Variants in SCAPER observed in about 807,000 individuals in gnomAD.
The protein encoded by SCAPER is S phase cyclin A-associated protein in the endoplasmic reticulum.
SCAPER carries 98 observed loss-of-function variants against 182.2 expected under a neutral mutation model. The ratio of observed to expected loss-of-function variants is 0.54; its 90% CI spans 0.46 to 0.64. The LOEUF is 0.64. Among genes scored for constraint, SCAPER ranks in the 30% least tolerant of loss-of-function variants. The pLI is 0.00. For missense variants in SCAPER, 1,432 were observed against 1,690.0 expected, an observed-to-expected ratio of 0.85 and a Z score of 2.68; for synonymous variants, 605 against 564.6, an observed-to-expected ratio of 1.07 and a Z score of -1.01.
intron 8 of SCAPER, among the ~76,000 whole-genome samples, chr15:76,790,651 T>G (rs2064943519): frequency 6.6e-6 from 1 of 152,218 alleles, no homozygotes; most frequent in Non-Finnish European, 1.5e-5. Flanking sequence ...TGATTCCTGC[T>G]ATTACTCCTT....
rs146960048 is a variant in SCAPER, at chr15:76,702,758, G to A, written c.2400+92C>T. Reference sequence around the variant, plus strand: ...GCTGCCACATCTCGCCTGCCTTAGCGTGAGTTTTAAAAGACTGCAAGAATA... The same window carrying A: ...GCTGCCACATCTCGCCTGCCTTAGCATGAGTTTTAAAAGACTGCAAGAATA... On this transcript the variant is annotated intron_variant, in intron 19 of 31. Transcript: ENST00000563290. 7.4e-5 allele frequency: 107 copies of A among 1,443,608 alleles called. No homozygotes were observed. In the African/African-American group the frequency reaches 1.1e-3, roughly 16 times the overall value. 89.4% of individuals were successfully genotyped at this position (1,443,608 alleles called of 1,614,324 possible).
At position 76,399,979 on chromosome 15, in the gene SCAPER, TG is replaced by T. The variant is rs546485737; in HGVS notation, c.3467+4544del. Among the ~76,000 whole-genome samples the T allele has an allele frequency of 4.5e-3, 626 of 139,286 alleles. 6 individuals carry two copies. The highest frequency in any genetic ancestry group is 0.016 in the African/African-American group (596 of 36,646). The allele number at this position is 139,286 out of a possible 152,430, so 91.4% of individuals were successfully genotyped here. A position where few individuals can be genotyped will look rare whatever the true frequency, so the allele number is the denominator to read the frequency against. ...GAGATGGCGCCACTGCACTCCAGCC[TG>T]GGCGACAGAGCGAGACTCCGTCTCA... On this transcript the variant is annotated intron_variant, in intron 27 of 31. Transcript: ENST00000563290.
chr15:76,729,002 T>G (rs773701612), intron 16 of SCAPER, among the ~76,000 whole-genome samples: 3 of 152,100 alleles, frequency 2.0e-5, no homozygotes, highest in Admixed American at 1.3e-4. Flanking sequence ...TTGTGGGAAC[T>G]TGTGATGGTT....
chr15:76,560,683 T>A (rs528941872), intron 23 of SCAPER, among the ~76,000 whole-genome samples: 1 of 152,306 alleles, frequency 6.6e-6, no homozygotes, highest in South Asian at 2.1e-4. Context: ...GGGAATGGAA[T>A]AGAAAATAAG....
chr15:76,896,945 C>A (rs531655137), intron 1 of SCAPER, among the ~76,000 whole-genome samples: 40 of 151,986 alleles, frequency 2.6e-4, no homozygotes, highest in African/African-American at 7.2e-4. Context: ...GACCTCATCT[C>A]TAAAAATATT....
chr15:76,610,228 A>T (rs531117460), intron 22 of SCAPER, among the ~76,000 whole-genome samples: 1 of 152,144 alleles, frequency 6.6e-6, no homozygotes, highest in East Asian at 1.9e-4. Flanking sequence ...CCCCAGCTGC[A>T]TGAGTCACCC....
chr15:76,894,013 G>A (rs2074294754), intron 1 of SCAPER, among the ~76,000 whole-genome samples: 1 of 152,212 alleles, frequency 6.6e-6, no homozygotes, highest in African/African-American at 2.4e-5. Flanking sequence ...CCCTTTGGGA[G>A]GCCGAGGCGG....
At chr15:76,525,499 T>C (rs2043131848) in intron 23 of SCAPER, among the ~76,000 whole-genome samples, 2 of 152,114 alleles carry the variant, frequency 1.3e-5, no homozygotes, top group East Asian at 1.9e-4. Context: ...ACCCAACAGG[T>C]AGTTTTTCAA....
chr15:76,438,231 G>A (rs1345188978), intron 25 of SCAPER, among the ~76,000 whole-genome samples: 3 of 143,732 alleles, frequency 2.1e-5, no homozygotes, highest in African/African-American at 5.1e-5. Flanking sequence ...GCAGTGAGCC[G>A]AGATCGTGCC....
intron 8 of SCAPER, among the ~76,000 whole-genome samples, chr15:76,788,723 G>A (rs931906805): frequency 6.6e-6 from 1 of 152,152 alleles, no homozygotes; most frequent in African/African-American, 2.4e-5. Context: ...TCTGTTTTGT[G>A]AATTTTTAAA....
rs142542866 is a variant in SCAPER at position 76,431,330 on chromosome 15, G to A, written c.3311+2748C>T. Among the ~76,000 whole-genome samples the A allele has an allele frequency of 6.0e-3, 907 of 152,150 alleles. 4 individuals are homozygous for A. Among genetic ancestry groups the A allele is most frequent in the African/African-American group, 0.021 (875 of 41,484 alleles). ...CAGTGTCTGGCACAAAATTAGTATG[G>A]GTGGCCATACTTTGAATTGAAAAAT... On this transcript the variant is annotated intron_variant, in intron 26 of 31. Transcript: ENST00000563290.
At chr15:76,370,137 C>T (rs993232905) in intron 29 of SCAPER, among the ~76,000 whole-genome samples, 3 of 151,754 alleles carry the variant, frequency 2.0e-5, no homozygotes, top group African/African-American at 4.8e-5. Flanking sequence ...CTTGGAGTCC[C>T]CATGAGATCA....
chr15:76,715,603 A>C (rs1010779520), intron 17 of SCAPER, among the ~76,000 whole-genome samples: 1 of 151,908 alleles, frequency 6.6e-6, no homozygotes, highest in Admixed American at 6.6e-5. Context: ...AGCCTCATAG[A>C]GCCTGGGCTA....
chr15:76,649,746 G>A (rs1373078294), intron 21 of SCAPER, among the ~76,000 whole-genome samples: 1 of 150,172 alleles, frequency 6.7e-6, no homozygotes, highest in African/African-American at 2.4e-5. Context: ...GAAAAAAAAT[G>A]TCATAACAGA....
intron 23 of SCAPER, among the ~76,000 whole-genome samples, chr15:76,546,720 C>T (rs1479911947): frequency 6.6e-6 from 1 of 151,956 alleles, no homozygotes; most frequent in Non-Finnish European, 1.5e-5. Context: ...TAAGTATTTT[C>T]AAGTGTTACA....
chr15:76,805,650 C>T (rs1229488021), intron 5 of SCAPER, among the ~76,000 whole-genome samples: 1 of 151,496 alleles, frequency 6.6e-6, no homozygotes, highest in Non-Finnish European at 1.5e-5. Context: ...TCACTGCAAC[C>T]TCCACCTCCC....
At chr15:76,821,521 C>T (rs1190661762) in intron 5 of SCAPER, among the ~76,000 whole-genome samples, 2 of 152,130 alleles carry the variant, frequency 1.3e-5, no homozygotes, top group Admixed American at 6.6e-5. Context: ...ACTAGAGAGG[C>T]TGAGGTTGGG....
chr15:76,670,119 T>C (rs1037829349), intron 20 of SCAPER, among the ~76,000 whole-genome samples: 1 of 152,112 alleles, frequency 6.6e-6, no homozygotes, highest in African/African-American at 2.4e-5. Flanking sequence ...CAAATGAGCA[T>C]GTTTTTGTTT....
In SCAPER at chr15:76,568,441, T is replaced by C. The variant is rs990746616; in HGVS notation, c.2838+5717A>G. ...CGCGATCTTGGCTCACTGCAACTTC[T>C]GACTCCTGAGTTCGAGTGATTCTCC... is the stretch of plus-strand genomic sequence containing the variant. On this transcript the variant is annotated intron_variant, in intron 23 of 31. Coordinates refer to ENST00000563290, the MANE Select transcript of SCAPER (RefSeq NM_020843.4). Among the ~76,000 whole-genome samples the C allele has an allele frequency of 1.2e-4, 19 of 152,190 alleles. 1 individual carries two copies. Among genetic ancestry groups the C allele is most frequent in the African/African-American group, 4.1e-4 (17 of 41,522 alleles).
Sources: gnomAD v4.1 joint callset for allele counts (sites outside exome capture counted in the v4.1 genomes callset) on GRCh38, gnomAD v4.1.1 for gene constraint, MANE v1.5 for transcripts, NCBI Gene and HGNC (gene_info 2026-07-23, HGNC 2026-07-21) for gene names.